ODAD2: variants seen among roughly 807,000 people sequenced by gnomAD.
ODAD2 encodes the protein outer dynein arm docking complex subunit 2.
Under a neutral mutation model 106.8 loss-of-function variants are expected in ODAD2, and 89 were observed. The ratio of observed to expected loss-of-function variants is 0.83; its 90% CI spans 0.70 to 0.99. The LOEUF (loss-of-function observed/expected upper bound fraction) is 0.99, where lower values mean the gene tolerates loss of function less well. ODAD2 is among the 50% of genes least tolerant of loss of function. The pLI is 0.00. For synonymous variants in ODAD2, 404 were observed against 436.2 expected, an observed-to-expected ratio of 0.93 and a Z score of 0.92; for missense variants, 1,168 against 1,238.5, an observed-to-expected ratio of 0.94 and a Z score of 0.85.
Position 27,837,882 on chromosome 10 carries a change from G to A in ODAD2, c.3021+22743C>T, listed in dbSNP as rs928877154. On this transcript the variant is annotated intron_variant, in intron 19 of 19. Transcript: ENST00000305242. ...GTTCTGACTGAAATCTGCATAAGGT[G>A]TAATAAATTTGATTTTTAATGTAAC... 3.5e-4 allele frequency among the ~76,000 whole-genome samples: 53 copies of A among 152,132 alleles called. 1 individual carries two copies. Among genetic ancestry groups the A allele is most frequent in the Admixed American group, 3.3e-3 (50 of 15,270 alleles).
intron 7 of ODAD2, among the ~76,000 whole-genome samples, chr10:27,978,653 G>A (rs1849340604): frequency 6.6e-6 from 1 of 151,974 alleles, no homozygotes; most frequent in South Asian, 2.1e-4. Context: ...TTAGCCGGGT[G>A]TGGTGGTGTG....
At chr10:27,883,525 T>C (rs528198747) in intron 17 of ODAD2, among the ~76,000 whole-genome samples, 2 of 152,248 alleles carry the variant, frequency 1.3e-5, no homozygotes, top group African/African-American at 4.8e-5. Flanking sequence ...CCTCAAAGTA[T>C]GCACCAGAGG....
At chr10:27,874,849 C>T (rs1165215473) in intron 17 of ODAD2, among the ~76,000 whole-genome samples, 2 of 152,028 alleles carry the variant, frequency 1.3e-5, no homozygotes, top group African/African-American at 4.8e-5. Flanking sequence ...TTGCTCTTTT[C>T]GAGGAGTATC....
chr10:27,836,193 T>A (rs751363822), intron 19 of ODAD2: 7 of 152,192 alleles, frequency 4.6e-5, no homozygotes, highest in Non-Finnish European at 1.0e-4. Flanking sequence ...CACAGTTGAA[T>A]ACATATGCAT....
At chr10:27,848,353 A>G (rs1236663146) in intron 19 of ODAD2, among the ~76,000 whole-genome samples, 1 of 152,238 alleles carries the variant, frequency 6.6e-6, no homozygotes, top group Admixed American at 6.5e-5. Flanking sequence ...TGGTGCTGGG[A>G]AAACTGGCTA....
Position 27,943,731 on chromosome 10 carries a change from G to A in ODAD2, c.1743+491C>T, listed in dbSNP as rs144802486. Among the ~76,000 whole-genome samples the A allele has an allele frequency of 6.5e-3, 909 of 138,974 alleles. 8 individuals carry two copies. The highest frequency in any genetic ancestry group is 0.023 in the African/African-American group (865 of 38,104). The allele number at this position is 138,974 out of a possible 152,430, so 91.2% of individuals were successfully genotyped here. The stretch of plus-strand genomic sequence containing the variant: ...GAACGCTTGAACCCCGTAGGCGGAG[G>A]TTGCAGTGAGCCAAGATCGCGCCAC... On this transcript the variant is annotated intron_variant, in intron 12 of 19. Coordinates refer to ENST00000305242, the MANE Select transcript of ODAD2 (RefSeq NM_018076.5).
chr10:27,849,204 A>G (rs1247839192), intron 19 of ODAD2, among the ~76,000 whole-genome samples: 1 of 152,208 alleles, frequency 6.6e-6, no homozygotes, highest in African/African-American at 2.4e-5. Context: ...CATATACACC[A>G]TGGAGTACTA....
chr10:27,965,928 G>A (rs1848460774), intron 9 of ODAD2, among the ~76,000 whole-genome samples: 1 of 152,164 alleles, frequency 6.6e-6, no homozygotes. Context: ...AAGCCTTCAT[G>A]CTTATATCAA....
At position 27,983,859 on chromosome 10, in the gene ODAD2, C is replaced by A. The variant is rs372616728; in HGVS notation, c.803G>T (p.Gly268Val). 1.1e-4 allele frequency: 184 copies of A among 1,613,108 alleles called. No homozygotes were observed. Among genetic ancestry groups the A allele is most frequent in the Non-Finnish European group, 1.5e-4 (179 of 1,179,804 alleles). ...ETLCITCSAG[G>V]VFLNGGKTDD... ...TTTACTTACACCATTTAAAAATACT[C>A]CTCCTGCACTGCAAGTAATGCACAG... The change falls in exon 6 of 20, where the codon GGA becomes GTA. Residue 268 changes from glycine (G) to valine (V), a missense_variant. Around this residue, in one of 3 missense-constraint regions of ODAD2, gnomAD observed 430 missense variants for 452.2 expected, o/e 0.95. Coordinates refer to ENST00000305242, the MANE Select transcript of ODAD2 (RefSeq NM_018076.5).
At chr10:27,997,757 G>A (rs1199549932) in intron 1 of ODAD2, among the ~76,000 whole-genome samples, 1 of 152,060 alleles carries the variant, frequency 6.6e-6, no homozygotes, top group Non-Finnish European at 1.5e-5. Context: ...AAAAATGGTC[G>A]GCATAACTCA....
At chr10:27,873,094 G>A (rs1288927561) in intron 17 of ODAD2, among the ~76,000 whole-genome samples, 1 of 151,614 alleles carries the variant, frequency 6.6e-6, no homozygotes, top group Non-Finnish European at 1.5e-5. Flanking sequence ...GAGGGTGTAT[G>A]TGTCCAGGAA....
At chr10:27,983,766 G>A in intron 6 of ODAD2, 77 bp downstream of exon 6, 2 of 1,367,116 alleles carry the variant, frequency 1.5e-6, no homozygotes, top group Middle Eastern at 1.9e-4. Flanking sequence ...TGTGGTCATT[G>A]GGACACACCC....
chr10:27,830,653 A>G (rs1403061293), intron 19 of ODAD2, among the ~76,000 whole-genome samples: 1 of 152,214 alleles, frequency 6.6e-6, no homozygotes, highest in East Asian at 1.9e-4. Context: ...CATGAAGAGC[A>G]TAATTTTTAT....
chr10:27,857,603 C>G (rs1262164802), intron 19 of ODAD2, among the ~76,000 whole-genome samples: 2 of 152,186 alleles, frequency 1.3e-5, no homozygotes, highest in Non-Finnish European at 2.9e-5. Context: ...GGCAGCGCTG[C>G]TTTACACCTA....
At chr10:27,890,163 G>A (rs1218824228) in intron 17 of ODAD2, among the ~76,000 whole-genome samples, 1 of 152,202 alleles carries the variant, frequency 6.6e-6, no homozygotes, top group Non-Finnish European at 1.5e-5. Flanking sequence ...AAAACAGTGA[G>A]GTCAATGGGC....
chr10:27,876,468 A>G (rs1029194641), intron 17 of ODAD2, among the ~76,000 whole-genome samples: 1 of 152,198 alleles, frequency 6.6e-6, no homozygotes, highest in Admixed American at 6.5e-5. Context: ...ACTCCAGCAG[A>G]CCTGCAGCTG....
At chr10:27,893,734 G>C (rs555185822) in intron 17 of ODAD2, among the ~76,000 whole-genome samples, 1 of 152,194 alleles carries the variant, frequency 6.6e-6, no homozygotes, top group Non-Finnish European at 1.5e-5. Context: ...GTGACGGGGA[G>C]AAAGAAAGGG....
chr10:27,847,525 C>T (rs1487354040), intron 19 of ODAD2, among the ~76,000 whole-genome samples: 3 of 151,896 alleles, frequency 2.0e-5, no homozygotes, highest in Non-Finnish European at 4.4e-5. Context: ...ACAGGGATGC[C>T]CTCTCTCACC....
intron 17 of ODAD2, among the ~76,000 whole-genome samples, chr10:27,881,629 C>A (rs1294521964): frequency 6.6e-6 from 1 of 151,740 alleles, no homozygotes; most frequent in Non-Finnish European, 1.5e-5. Context: ...AGAGCAAAAT[C>A]CCGTCTCAAA....
Sources: gnomAD v4.1 joint callset for allele counts (sites outside exome capture counted in the v4.1 genomes callset) on GRCh38, gnomAD v4.1.1 for gene constraint, gnomAD v4.1.1 regional missense constraint, MANE v1.5 for transcripts, NCBI Gene and HGNC (gene_info 2026-07-23, HGNC 2026-07-21) for gene names.